Variants in SPAG16 observed in about 807,000 individuals in gnomAD.
SPAG16 encodes sperm associated antigen 16.
A neutral mutation model predicts 80.4 loss-of-function variants in SPAG16; 86 were observed. The ratio of observed to expected loss-of-function variants is 1.07; its 90% confidence interval spans 0.90 to 1.28. SPAG16 has a LOEUF of 1.28. Ranked by LOEUF, SPAG16 falls within the 50% of genes most tolerant of loss-of-function variation. The pLI is 0.00. For missense variants in SPAG16, 870 were observed against 765.3 expected (o/e 1.14, Z -1.61); for synonymous variants, 294 against 265.9 (o/e 1.11, Z -1.03).
At chr2:213,503,659 T>A (rs1446803888) in intron 10 of SPAG16, among the ~76,000 whole-genome samples, 1 of 152,242 alleles carries the variant, frequency 6.6e-6, no homozygotes, top group Non-Finnish European at 1.5e-5. Flanking sequence ...GAGGAAATTT[T>A]CCCTTAGCTT....
chr2:214,087,968 A>T (rs886148374), intron 13 of SPAG16, among the ~76,000 whole-genome samples: 5 of 152,152 alleles, frequency 3.3e-5, no homozygotes, highest in Admixed American at 2.0e-4. Flanking sequence ...CATCAAGAAT[A>T]TCCAAAGGAC....
chr2:213,428,905 C>T (rs2070113114), intron 9 of SPAG16, among the ~76,000 whole-genome samples: 1 of 151,940 alleles, frequency 6.6e-6, no homozygotes, highest in Non-Finnish European at 1.5e-5. Context: ...GCCTGGCCAA[C>T]ATAGTGAAGC....
chr2:213,824,128 T>C (rs570496865), intron 10 of SPAG16, among the ~76,000 whole-genome samples: 5 of 152,256 alleles, frequency 3.3e-5, no homozygotes, highest in Non-Finnish European at 7.3e-5. Context: ...GTTTTCTGCA[T>C]CTGGCTAGCC....
chr2:213,870,197 C>T (rs1425763813), intron 11 of SPAG16, among the ~76,000 whole-genome samples: 1 of 152,168 alleles, frequency 6.6e-6, no homozygotes, highest in African/African-American at 2.4e-5. Context: ...CTCCTTCAGG[C>T]TCTCTTCCCT....
At chr2:213,875,073 C>G (rs185372442) in intron 11 of SPAG16, among the ~76,000 whole-genome samples, 3 of 151,966 alleles carry the variant, frequency 2.0e-5, no homozygotes, top group Admixed American at 2.0e-4. Context: ...TCCATACGAC[C>G]TGGGACTACA....
chr2:213,436,731 T>C (rs2070660797), intron 9 of SPAG16, among the ~76,000 whole-genome samples: 1 of 152,190 alleles, frequency 6.6e-6, no homozygotes, highest in African/African-American at 2.4e-5. Context: ...TCTTAAATAA[T>C]GTTTCTTTCC....
intron 12 of SPAG16, among the ~76,000 whole-genome samples, chr2:213,968,381 A>G (rs1406149866): frequency 6.6e-6 from 1 of 152,246 alleles, no homozygotes; most frequent in African/African-American, 2.4e-5. Context: ...TTTAGTGGAG[A>G]CAGGGTTTGC....
intron 10 of SPAG16, among the ~76,000 whole-genome samples, chr2:213,732,245 G>C (rs183197589): frequency 1.3e-3 from 199 of 152,194 alleles, no homozygotes; most frequent in Non-Finnish European, 2.5e-3. Context: ...TCTTATTTCT[G>C]GGTTCTCTGT....
At chr2:214,018,555 A>C (rs546464282) in intron 13 of SPAG16, among the ~76,000 whole-genome samples, 181 of 152,292 alleles carry the variant, frequency 1.2e-3, no homozygotes, top group African/African-American at 4.3e-3. Flanking sequence ...TGCAACATCA[A>C]CTGAATCCAT....
chr2:213,299,076 ATATT>A (rs1462962329), intron 3 of SPAG16, among the ~76,000 whole-genome samples: 5 of 152,222 alleles, frequency 3.3e-5, no homozygotes, highest in African/African-American at 4.8e-5. Context: ...GATCTTATAT[ATATT>A]CATAAACAAG....
intron 7 of SPAG16, among the ~76,000 whole-genome samples, chr2:213,358,983 T>C (rs572369713): frequency 6.9e-4 from 105 of 152,330 alleles, no homozygotes; most frequent in Non-Finnish European, 6.5e-4. Flanking sequence ...CTATTTCTGT[T>C]TGTTAGTTTT....
intron 10 of SPAG16, among the ~76,000 whole-genome samples, chr2:213,520,329 G>A (rs2075611439): frequency 6.6e-6 from 1 of 152,088 alleles, no homozygotes; most frequent in Non-Finnish European, 1.5e-5. Flanking sequence ...GCTCACGCCT[G>A]TAATCCCAGC....
chr2:213,886,716 G>T (rs1027247775), intron 11 of SPAG16, among the ~76,000 whole-genome samples: 1 of 151,644 alleles, frequency 6.6e-6, no homozygotes, highest in Non-Finnish European at 1.5e-5. Flanking sequence ...GAACTTGAGG[G>T]CATATGACTT....
chr2:213,755,729 A>T (rs546237183), intron 10 of SPAG16, among the ~76,000 whole-genome samples: 60 of 152,328 alleles, frequency 3.9e-4, no homozygotes, highest in Non-Finnish European at 7.5e-4. Context: ...CTGAGATGAT[A>T]GCTGTCACAG....
intron 13 of SPAG16, among the ~76,000 whole-genome samples, chr2:214,072,656 A>G (rs1316705827): frequency 6.6e-6 from 1 of 152,190 alleles, no homozygotes; most frequent in Non-Finnish European, 1.5e-5. Context: ...AGGTAACAGA[A>G]ATGAAAGCAT....
At chr2:213,743,923 A>G (rs2067696861) in intron 10 of SPAG16, among the ~76,000 whole-genome samples, 1 of 152,108 alleles carries the variant, frequency 6.6e-6, no homozygotes, top group South Asian at 2.1e-4. Context: ...TAGATTTTTC[A>G]TCTCTGCTTC....
intron 13 of SPAG16, among the ~76,000 whole-genome samples, chr2:214,057,663 G>A (rs1038378770): frequency 2.0e-5 from 3 of 152,152 alleles, no homozygotes; most frequent in Non-Finnish European, 4.4e-5. Context: ...TTTGAAGCCA[G>A]ACATCGACTT....
chr2:213,859,746 C>A (rs917851333), intron 10 of SPAG16, among the ~76,000 whole-genome samples: 7 of 152,180 alleles, frequency 4.6e-5, no homozygotes, highest in Non-Finnish European at 1.0e-4. Flanking sequence ...TCTACTAACT[C>A]TGTTTACAAT....
chr2:213,975,079 T>A (rs2106392497), intron 12 of SPAG16, among the ~76,000 whole-genome samples: 1 of 151,436 alleles, frequency 6.6e-6, no homozygotes, highest in Non-Finnish European at 1.5e-5. Flanking sequence ...ATTTATAGAC[T>A]TTAAATATAA....
Sources: allele counts gnomAD v4.1 joint callset (sites outside exome capture counted in the v4.1 genomes callset), GRCh38; gene constraint gnomAD v4.1.1; transcripts MANE v1.5; gene names NCBI Gene and HGNC (gene_info 2026-07-23, HGNC 2026-07-21).